The following CNST variants were observed in gnomAD, a reference collection of about 807,000 sequenced individuals.
CNST encodes consortin, connexin sorting protein, also known as consortin.
In CNST, 39 loss-of-function variants were observed where a neutral mutation model predicts 72.4. The ratio of observed to expected loss-of-function variants is 0.54; its 90% confidence interval spans 0.42 to 0.70. The LOEUF (loss-of-function observed/expected upper bound fraction) is 0.70. CNST is among the 30% of genes least tolerant of loss of function. The pLI is 0.00. For missense variants in CNST, 871 were observed against 868.5 expected, an observed-to-expected ratio of 1.00 and a Z score of -0.04; for synonymous variants, 332 against 320.1, an observed-to-expected ratio of 1.04 and a Z score of -0.40.
In CNST at chr1:246,631,393, G is replaced by A. The variant is rs146050379; in HGVS notation, c.586-501G>A. On this transcript the variant is annotated intron_variant, in intron 3 of 10. Transcript: ENST00000366513. ...TCAGTGTCCTGTGAGGTCCTCAGCC[G>A]GTGGTTTGTGAAACAGGAATGAAAT... 1.2e-3 allele frequency among the ~76,000 whole-genome samples: 190 copies of A among 152,298 alleles called. 1 individual carries two copies. The highest frequency in any genetic ancestry group is 4.1e-3 in the African/African-American group (169 of 41,556).
At chr1:246,601,239 A>G (rs939728240) in intron 2 of CNST, among the ~76,000 whole-genome samples, 3 of 152,106 alleles carry the variant, frequency 2.0e-5, no homozygotes, top group Admixed American at 6.5e-5. Flanking sequence ...TGGGAGGTCA[A>G]GGCTGCAGTG....
At chr1:246,639,366 C>T (rs2103115640) in intron 6 of CNST, among the ~76,000 whole-genome samples, 1 of 152,076 alleles carries the variant, frequency 6.6e-6, no homozygotes, top group African/African-American at 2.4e-5. Context: ...AGGAAGGAAC[C>T]CAGAGCCTAA....
chr1:246,612,010 A>G (rs1034538057), intron 2 of CNST, among the ~76,000 whole-genome samples: 3 of 152,218 alleles, frequency 2.0e-5, no homozygotes, highest in African/African-American at 7.2e-5. Flanking sequence ...AAGGACAAAT[A>G]TTTTATGATT....
chr1:246,636,143 T>G (rs548717437), intron 6 of CNST, among the ~76,000 whole-genome samples: 1 of 152,228 alleles, frequency 6.6e-6, no homozygotes, highest in African/African-American at 2.4e-5. Flanking sequence ...AAGACACAAT[T>G]GAGGTAGCTG....
intron 1 of CNST, among the ~76,000 whole-genome samples, chr1:246,571,819 C>T (rs1194135483): frequency 1.3e-5 from 2 of 152,146 alleles, no homozygotes; most frequent in East Asian, 3.9e-4. Flanking sequence ...GTTAGTCACC[C>T]TTCATTGACA....
intron 3 of CNST, among the ~76,000 whole-genome samples, chr1:246,628,701 C>T (rs1336579562): frequency 6.6e-6 from 1 of 152,204 alleles, no homozygotes; most frequent in African/African-American, 2.4e-5. Flanking sequence ...GCAGAGCCCC[C>T]GTGACCTAAT....
At chr1:246,609,681 A>G (rs1434565125) in intron 2 of CNST, among the ~76,000 whole-genome samples, 3 of 152,218 alleles carry the variant, frequency 2.0e-5, no homozygotes, top group Non-Finnish European at 4.4e-5. Flanking sequence ...AGCAGGGCAG[A>G]GAGATTCTTC....
chr1:246,654,867 A>G (rs995005901), intron 9 of CNST, among the ~76,000 whole-genome samples: 1 of 151,946 alleles, frequency 6.6e-6, no homozygotes, highest in Non-Finnish European at 1.5e-5. Flanking sequence ...CACCTACTAT[A>G]TTATAGAAAC....
In CNST at chr1:246,665,838, T is replaced by C. The variant is rs1227251899; in HGVS notation, c.2111T>C (p.Met704Thr). The C allele has an allele frequency of 1.2e-6, 2 of 1,614,090 alleles. No individual in the cohort carries two copies. The highest frequency in any genetic ancestry group is 1.7e-6 in the Non-Finnish European group (2 of 1,179,980). Residue 704 changes from methionine to threonine, a missense_variant, in exon 11 of 11, where the codon ATG becomes ACG. Transcript: ENST00000366513. ...SPVCTDFADN[M>T]DFYYTKLLQG... ...GTTTGTACTGACTTTGCAGACAACA[T>C]GGACTTCTATTACACTAAGTTACTT...
At chr1:246,581,902 T>C (rs1660809147) in intron 1 of CNST, among the ~76,000 whole-genome samples, 1 of 152,172 alleles carries the variant, frequency 6.6e-6, no homozygotes, top group Admixed American at 6.5e-5. Flanking sequence ...GCTAATATCA[T>C]AGGCAAAAGT....
At position 246,647,958 on chromosome 1, in the gene CNST, A is replaced by T; in HGVS notation, c.1757A>T (p.Tyr586Phe). 1 of 1,613,802 alleles carries T rather than the reference A, an allele frequency of 6.2e-7. No individual in the cohort carries two copies. The highest frequency in any genetic ancestry group is 8.5e-7 in the Non-Finnish European group (1 of 1,179,986). ...LQDLSPEEAS[Y>F]SLQENLPSDE... ...GATCTCTCTCCTGAAGAAGCATCCT[A>T]TAGTCTCCAGGAGAATCTGCCTTCT... Residue 586 changes from tyrosine (Y) to phenylalanine (F), a missense_variant, in exon 9 of 11, where the codon TAT becomes TTT. Coordinates refer to ENST00000366513, the MANE Select transcript of CNST (RefSeq NM_152609.3).
At chr1:246,608,274 T>A (rs1474619000) in intron 2 of CNST, among the ~76,000 whole-genome samples, 3 of 152,128 alleles carry the variant, frequency 2.0e-5, no homozygotes, top group Non-Finnish European at 2.9e-5. Context: ...CTAGACCCCA[T>A]GAGTTCGAGT....
intron 10 of CNST, 111 bp from the exon 11 acceptor site, chr1:246,665,589 G>A (rs1008337460): frequency 1.7e-5 from 15 of 861,764 alleles, no homozygotes; most frequent in African/African-American, 3.3e-5. Context: ...CTTCCTATCC[G>A]TAGAGGACCA....
chr1:246,621,492 C>G lies in CNST; in HGVS notation c.443C>G (p.Ala148Gly). ...QEKVLSAVTYAVDDEEAAEVN... is the reference protein window; with the variant it reads ...QEKVLSAVTYGVDDEEAAEVN... ...AAAGTACTAAGCGCAGTCACATATG[C>G]TGTTGATGATGAAGAAGCTGCTGAA... The change falls in exon 3 of 11, where the codon GCT (alanine) becomes GGT (glycine). Residue 148 changes from alanine (A) to glycine (G), a missense_variant. By Grantham distance (60) the Ala-to-Gly change is moderately conservative (BLOSUM62 0). Transcript: ENST00000366513. The G allele has an allele frequency of 6.2e-7, 1 of 1,614,130 alleles. No individual in the cohort carries two copies. Among genetic ancestry groups the G allele is most frequent in the Non-Finnish European group, 8.5e-7 (1 of 1,180,008 alleles).
At position 246,591,689 on chromosome 1, in the gene CNST, C is replaced by T. The variant is rs1661553721; in HGVS notation, c.127C>T (p.Leu43Phe). ...TGCATCAGATGAAAATGAAAATCAG[C>T]TTGACGGGGACGGGCATGAGCATCT... The part of the protein sequence containing the change: ...PSASDENENQ[L>F]DGDGHEHLTS... The change falls in exon 2 of 11, where the codon CTT becomes TTT. Residue 43 changes from leucine (L) to phenylalanine (F), a missense_variant. By Grantham distance (22) the Leu-to-Phe change is conservative (BLOSUM62 0). Transcript: ENST00000366513. The T allele has an allele frequency of 6.2e-7, 1 of 1,614,020 alleles. No homozygotes were observed. The highest frequency in any genetic ancestry group is 1.3e-5 in the African/African-American group (1 of 74,914).
At chr1:246,597,256 C>G (rs185136654) in intron 2 of CNST, among the ~76,000 whole-genome samples, 197 of 152,218 alleles carry the variant, frequency 1.3e-3, no homozygotes, top group African/African-American at 4.5e-3. Flanking sequence ...AATTCGTATA[C>G]CATAAAATTC....
In CNST at chr1:246,659,382, C is replaced by G. The variant is rs570111983; in HGVS notation, c.1837-817C>G. 1.4e-3 allele frequency among the ~76,000 whole-genome samples: 208 copies of G among 152,282 alleles called. 1 individual carries two copies. The highest frequency in any genetic ancestry group is 4.3e-3 in the African/African-American group (179 of 41,558). ...GGCCAAGGCGGGCAGATCACGAGGT[C>G]AGGAGATCGAGACCATCCTGGCTAA... On this transcript the variant is annotated intron_variant, in intron 9 of 10. Coordinates refer to ENST00000366513, the MANE Select transcript of CNST (RefSeq NM_152609.3).
rs530284748 is a variant in CNST, at chr1:246,649,001, A to G, written c.1836+964A>G. Among the ~76,000 whole-genome samples, 27 of 152,310 alleles carry G rather than the reference A, an allele frequency of 1.8e-4. No homozygotes were observed. The South Asian group carries it at 4.1e-3, about 23-fold the overall frequency. On this transcript the variant is annotated intron_variant, in intron 9 of 10. Coordinates refer to ENST00000366513, the MANE Select transcript of CNST (RefSeq NM_152609.3). ...TATATTACTAGCTCCCTTTATTGCC[A>G]TTTATAGTCAATTCTCTATAAACAA...
intron 2 of CNST, among the ~76,000 whole-genome samples, chr1:246,596,478 A>G (rs1661893094): frequency 6.6e-6 from 1 of 152,166 alleles, no homozygotes; most frequent in Admixed American, 6.5e-5. Flanking sequence ...CCTAAAAACT[A>G]ATGACCATTA....
Sources: allele counts gnomAD v4.1 joint callset (sites outside exome capture counted in the v4.1 genomes callset), GRCh38; gene constraint gnomAD v4.1.1; transcripts MANE v1.5; gene names NCBI Gene and HGNC (gene_info 2026-07-23, HGNC 2026-07-21).